Variants in LHFPL4 observed in about 807,000 individuals in gnomAD.
The protein encoded by LHFPL4 is LHFPL tetraspan subfamily member 4.
LHFPL4 carries 6 observed loss-of-function variants against 20.0 expected under a neutral mutation model. The ratio of observed to expected loss-of-function variants is 0.30; its 90% confidence interval spans 0.16 to 0.59. The LOEUF (loss-of-function observed/expected upper bound fraction) is 0.59, where lower values mean the gene tolerates loss of function less well. Among genes scored for constraint, LHFPL4 ranks in the 20% least tolerant of loss-of-function variants. LHFPL4 has a pLI of 0.88. For missense variants in LHFPL4, 215 were observed against 331.2 expected (o/e 0.65, Z 2.72); for synonymous variants, 129 against 143.8 (o/e 0.90, Z 0.74).
intron 2 of LHFPL4, among the ~76,000 whole-genome samples, chr3:9,542,071 A>T (rs2046480305): frequency 1.3e-5 from 2 of 152,078 alleles, no homozygotes; most frequent in South Asian, 4.1e-4. Flanking sequence ...GGATCACCTG[A>T]GGTCGAGAGA....
At chr3:9,527,245 G>A (rs1480640897) in intron 2 of LHFPL4, among the ~76,000 whole-genome samples, 1 of 152,110 alleles carries the variant, frequency 6.6e-6, no homozygotes, top group East Asian at 1.9e-4. Context: ...TACAGAGTGG[G>A]TATATTCATA....
intron 2 of LHFPL4, among the ~76,000 whole-genome samples, chr3:9,527,563 T>A (rs983467641): frequency 5.9e-5 from 9 of 151,702 alleles, no homozygotes; most frequent in African/African-American, 2.2e-4. Context: ...AAAAAATTAG[T>A]CAGGCATGGT....
chr3:9,548,554 G>A (rs982590459), intron 2 of LHFPL4, among the ~76,000 whole-genome samples: 4 of 152,088 alleles, frequency 2.6e-5, no homozygotes, highest in East Asian at 1.9e-4. Flanking sequence ...CTCAAGCCTC[G>A]CTTCCCAACT....
At chr3:9,519,558 C>T (rs1037200540) in intron 2 of LHFPL4, among the ~76,000 whole-genome samples, 4 of 152,108 alleles carry the variant, frequency 2.6e-5, no homozygotes, top group Non-Finnish European at 4.4e-5. Flanking sequence ...CTTTCTCTCT[C>T]GTTCTTTCTC....
At chr3:9,514,449 C>G (rs894186114) in intron 2 of LHFPL4, among the ~76,000 whole-genome samples, 1 of 152,150 alleles carries the variant, frequency 6.6e-6, no homozygotes, top group Non-Finnish European at 1.5e-5. Context: ...CCCTCACTAT[C>G]GACATCCCCC....
chr3:9,506,259 A>G lies in LHFPL4; in HGVS notation c.407-56T>C. 7.0e-7 allele frequency: 1 copy of G among 1,435,100 alleles called. No homozygotes were observed. Among genetic ancestry groups the G allele is most frequent in the Non-Finnish European group, 9.8e-7 (1 of 1,019,862 alleles). 88.9% of individuals were successfully genotyped at this position (1,435,100 alleles called of 1,614,324 possible). A position where few individuals can be genotyped will look rare whatever the true frequency, so the allele number is the denominator to read the frequency against. On this transcript the variant is annotated intron_variant, in intron 2 of 3. Transcript: ENST00000287585. The surrounding 1 kb of genome is among the most constrained non-coding windows in gnomAD (Gnocchi z 4.5). ...CGGTCAGGAAGGAAGAGAAAAGACC[A>G]TTACTCGCTAGTGTCCGCAGTCTGG...
chr3:9,547,348 C>T (rs1251924892), intron 2 of LHFPL4, among the ~76,000 whole-genome samples: 2 of 152,184 alleles, frequency 1.3e-5, no homozygotes, highest in Admixed American at 6.5e-5. Flanking sequence ...CGACCCTTAA[C>T]CACACTTCAC....
rs1346521280 is a variant in LHFPL4 at position 9,502,177 on chromosome 3, G to A, written c.*34C>T. The stretch of plus-strand genomic sequence containing the variant: ...AGGGCAGAAGGCAGGACAAGCTGAG[G>A]TCAGGCCAATTACTGGGCTGTGATC... On this transcript the variant is annotated 3_prime_UTR_variant, in exon 4 of 4. Coordinates refer to ENST00000287585, the MANE Select transcript of LHFPL4 (RefSeq NM_198560.3). 14 of 1,495,994 alleles carry A rather than the reference G, an allele frequency of 9.4e-6. No individual in the cohort carries two copies. The highest frequency in any genetic ancestry group is 6.8e-5 in the East Asian group (3 of 44,360). 92.7% of individuals were successfully genotyped at this position (1,495,994 alleles called of 1,614,324 possible). A position where few individuals can be genotyped will look rare whatever the true frequency, so the allele number is the denominator to read the frequency against.
intron 2 of LHFPL4, among the ~76,000 whole-genome samples, chr3:9,508,015 C>T (rs1439847051): frequency 6.6e-6 from 1 of 152,234 alleles, no homozygotes; most frequent in African/African-American, 2.4e-5. Context: ...TGAGCCTGCA[C>T]CAGGTCCACA....
intron 2 of LHFPL4, among the ~76,000 whole-genome samples, chr3:9,549,575 TG>T (rs1182486283): frequency 6.6e-6 from 1 of 152,160 alleles, no homozygotes; most frequent in Non-Finnish European, 1.5e-5. Flanking sequence ...CAGGCACCTG[TG>T]ATCCCAGCTA....
chr3:9,528,921 C>CTT (rs113439233), intron 2 of LHFPL4, among the ~76,000 whole-genome samples: 3 of 142,930 alleles, frequency 2.1e-5, no homozygotes, highest in Non-Finnish European at 3.1e-5. Flanking sequence ...AGCCCCCCAA[C>CTT]TTTTTTTTTT....
At chr3:9,538,002 T>G (rs2046453809) in intron 2 of LHFPL4, among the ~76,000 whole-genome samples, 1 of 152,144 alleles carries the variant, frequency 6.6e-6, no homozygotes, top group Admixed American at 6.5e-5. Context: ...GGTCTGATCT[T>G]CATCCTATGT....
intron 2 of LHFPL4, among the ~76,000 whole-genome samples, chr3:9,546,661 G>T (rs74898634): frequency 0.019 from 2,918 of 152,288 alleles, 104 homozygotes; most frequent in African/African-American, 0.066. Flanking sequence ...TGGGGAAGTG[G>T]ATTGATAAGA....
intron 2 of LHFPL4, among the ~76,000 whole-genome samples, chr3:9,537,320 C>T (rs982423096): frequency 2.6e-5 from 4 of 152,168 alleles, no homozygotes; most frequent in African/African-American, 7.2e-5. Context: ...TCAGTCTCAA[C>T]TCGTGGTTCC....
chr3:9,540,897 AAAT>A (rs1054088737), intron 2 of LHFPL4, among the ~76,000 whole-genome samples: 32 of 151,824 alleles, frequency 2.1e-4, no homozygotes, highest in African/African-American at 3.1e-4. Context: ...TCTCAAAAAA[AAAT>A]AATAATAAAA....
intron 2 of LHFPL4, among the ~76,000 whole-genome samples, chr3:9,537,461 T>A (rs189424902): frequency 2.0e-5 from 3 of 152,204 alleles, no homozygotes; most frequent in Non-Finnish European, 4.4e-5. Context: ...GGTAACAGCA[T>A]TTACTCTCAT....
In LHFPL4 at chr3:9,501,367, T is replaced by C. The variant is rs1253757704; in HGVS notation, c.*844A>G. 2.0e-5 allele frequency: 3 copies of C among 153,032 alleles called. No individual in the cohort carries two copies. The highest frequency in any genetic ancestry group is 7.2e-5 in the African/African-American group (3 of 41,408). 9.5% of individuals were successfully genotyped at this position (153,032 alleles called of 1,614,324 possible). ...CAGGCCAGGGTCAAGGGTCCAGTCATTGGTGAGACATCCCAGCAGAGAGGA... is the reference window on the plus strand; with the variant it reads ...CAGGCCAGGGTCAAGGGTCCAGTCACTGGTGAGACATCCCAGCAGAGAGGA... On this transcript the variant is annotated 3_prime_UTR_variant, in exon 4 of 4. Transcript: ENST00000287585.
intron 2 of LHFPL4, among the ~76,000 whole-genome samples, chr3:9,520,727 A>G (rs2046332136): frequency 6.6e-6 from 1 of 152,082 alleles, no homozygotes; most frequent in Non-Finnish European, 1.5e-5. Flanking sequence ...TTTTCCAGCT[A>G]TCGTTCTGTT....
intron 3 of LHFPL4, among the ~76,000 whole-genome samples, chr3:9,503,078 G>A (rs1264611043): frequency 6.6e-6 from 1 of 151,954 alleles, no homozygotes; most frequent in Non-Finnish European, 1.5e-5. Flanking sequence ...GGGCTCAAGC[G>A]ATCCTCCTGC....
Sources: gnomAD v4.1 joint callset for allele counts (sites outside exome capture counted in the v4.1 genomes callset) on GRCh38, gnomAD v4.1.1 for gene constraint, Gnocchi (gnomAD v3.1) non-coding constraint, MANE v1.5 for transcripts, NCBI Gene and HGNC (gene_info 2026-07-23, HGNC 2026-07-21) for gene names.